LOC400499: variants seen among roughly 807,000 people sequenced by gnomAD.
At chr16:11,433,538 C>T in the LOC400499 span, among the ~76,000 whole-genome samples, 2 of 152,134 alleles carry the variant, frequency 1.3e-5, no homozygotes, top group African/African-American at 4.8e-5. Flanking sequence ...AGCTCCTAAT[C>T]CCTTGGAACT....
the LOC400499 span, among the ~76,000 whole-genome samples, chr16:11,398,763 G>A: frequency 6.6e-6 from 1 of 151,888 alleles, no homozygotes; most frequent in African/African-American, 2.4e-5. Context: ...AGGTTCAAGC[G>A]ATTCTCCCAC....
the LOC400499 span, among the ~76,000 whole-genome samples, chr16:11,434,937 G>C: frequency 6.6e-6 from 1 of 152,140 alleles, no homozygotes; most frequent in African/African-American, 2.4e-5. Flanking sequence ...CATTCCTTGG[G>C]ATCACTAGTG....
the LOC400499 span, among the ~76,000 whole-genome samples, chr16:11,480,711 C>G: frequency 1.3e-5 from 2 of 152,334 alleles, no homozygotes; most frequent in Non-Finnish European, 2.9e-5. Context: ...TATAAATACA[C>G]ACGTTCCCTA....
chr16:11,384,063 C>A, the LOC400499 span: 2 of 1,231,510 alleles, frequency 1.6e-6, no homozygotes, highest in East Asian at 3.2e-5. Flanking sequence ...GGCTCCCCCG[C>A]GTACACTGGC....
At chr16:11,386,203 A>G in the LOC400499 span, among the ~76,000 whole-genome samples, 5 of 152,080 alleles carry the variant, frequency 3.3e-5, no homozygotes, top group African/African-American at 9.7e-5. Flanking sequence ...ATGGCCTGAG[A>G]AGGAGGTCTG....
At chr16:11,416,366 G>T in the LOC400499 span, among the ~76,000 whole-genome samples, 1 of 152,144 alleles carries the variant, frequency 6.6e-6, no homozygotes, top group East Asian at 1.9e-4. Context: ...GTCAGAGGAT[G>T]GCTCTGGGTT....
chr16:11,415,209 C>G, the LOC400499 span, among the ~76,000 whole-genome samples: 1 of 152,228 alleles, frequency 6.6e-6, no homozygotes, highest in Non-Finnish European at 1.5e-5. Context: ...GATTTTGGCT[C>G]ACAGTTAGGA....
the LOC400499 span, among the ~76,000 whole-genome samples, chr16:11,523,908 C>T: frequency 7.1e-6 from 1 of 141,810 alleles, no homozygotes; most frequent in Non-Finnish European, 1.5e-5. Flanking sequence ...ATCCAACCAC[C>T]CCCACCCCCA....
the LOC400499 span, among the ~76,000 whole-genome samples, chr16:11,518,662 A>C: frequency 6.6e-6 from 1 of 152,168 alleles, no homozygotes; most frequent in Non-Finnish European, 1.5e-5. Context: ...CAAGGCTTCT[A>C]CATGAAGGCA....
chr16:11,476,417 T>C, the LOC400499 span, among the ~76,000 whole-genome samples: 1 of 151,872 alleles, frequency 6.6e-6, no homozygotes, highest in East Asian at 1.9e-4. Flanking sequence ...ACGGTCCCTG[T>C]CAGACACGCC....
chr16:11,411,072 G>A, the LOC400499 span, among the ~76,000 whole-genome samples: 1 of 151,862 alleles, frequency 6.6e-6, no homozygotes, highest in South Asian at 2.1e-4. Flanking sequence ...TGTAAACCTG[G>A]GTATGTTTGG....
the LOC400499 span, chr16:11,522,027 C>G: frequency 2.5e-6 from 1 of 399,262 alleles, no homozygotes; most frequent in Non-Finnish European, 4.4e-6. Context: ...TCCCCTCCAC[C>G]AGGACGTCCT....
chr16:11,386,306 G>A, the LOC400499 span, among the ~76,000 whole-genome samples: 21 of 152,372 alleles, frequency 1.4e-4, no homozygotes, highest in African/African-American at 4.8e-4. Flanking sequence ...TGCACAGCCA[G>A]GCACCTGTCG....
the LOC400499 span, chr16:11,423,994 C>T: frequency 0.019 from 7,431 of 398,530 alleles, 153 homozygotes; most frequent in East Asian, 0.087. Flanking sequence ...CCAAGATCAC[C>T]GTCAGCCCGG....
chr16:11,430,468 G>C, the LOC400499 span, among the ~76,000 whole-genome samples: 2 of 151,784 alleles, frequency 1.3e-5, no homozygotes, highest in Non-Finnish European at 2.9e-5. Context: ...CCAGCCTGGG[G>C]GACAAGAGCA....
the LOC400499 span, among the ~76,000 whole-genome samples, chr16:11,426,261 C>T: frequency 6.6e-6 from 1 of 152,054 alleles, no homozygotes; most frequent in Non-Finnish European, 1.5e-5. Context: ...CATGGTGAAA[C>T]CCTGTCTCTA....
chr16:11,379,069 G>T, the LOC400499 span, among the ~76,000 whole-genome samples: 1 of 152,190 alleles, frequency 6.6e-6, no homozygotes, highest in African/African-American at 2.4e-5. Flanking sequence ...TTCAAGAGCA[G>T]CCTGGACAAC....
chr16:11,385,346 CTG>C, the LOC400499 span: 8 of 1,232,312 alleles, frequency 6.5e-6, no homozygotes, highest in Non-Finnish European at 8.1e-6. Context: ...TGCTGCCGCA[CTG>C]GGTGCTGAGG....
At chr16:11,469,425 T>C in the LOC400499 span, 424 of 398,848 alleles carry the variant, frequency 1.1e-3, 3 homozygotes, top group African/African-American at 7.9e-3. Flanking sequence ...GACAAACCTA[T>C]AAGCCAGCTC....
Sources: gnomAD v4.1 joint callset for allele counts (sites outside exome capture counted in the v4.1 genomes callset) on GRCh38, gnomAD v4.1.1 for gene constraint, MANE v1.5 for transcripts.